The following PRKCE variants were observed in gnomAD, a reference collection of about 807,000 sequenced individuals.
PRKCE encodes the protein protein kinase C epsilon type.
PRKCE carries 16 observed loss-of-function variants against 85.4 expected under a neutral mutation model. The ratio of observed to expected loss-of-function variants is 0.19; its 90% CI spans 0.13 to 0.28. The LOEUF is 0.28. Among genes scored for constraint, PRKCE ranks in the 10% least tolerant of loss-of-function variants. The pLI is 1.00. For missense variants in PRKCE, 573 were observed against 975.2 expected (o/e 0.59, Z 5.49); for synonymous variants, 388 against 371.5 (o/e 1.04, Z -0.51).
chr2:45,992,194 G>A (rs1013817719), intron 6 of PRKCE, among the ~76,000 whole-genome samples: 1 of 152,096 alleles, frequency 6.6e-6, no homozygotes, highest in African/African-American at 2.4e-5. Flanking sequence ...GAGTGCTTTG[G>A]TTGACTCAGA....
At chr2:46,000,086 C>T (rs1255133901) in intron 6 of PRKCE, among the ~76,000 whole-genome samples, 1 of 151,916 alleles carries the variant, frequency 6.6e-6, no homozygotes, top group Non-Finnish European at 1.5e-5. Context: ...AGCATCCCTG[C>T]TATATCTGAG....
chr2:45,678,533 G>A lies in PRKCE; in HGVS notation c.348+26085G>A, dbSNP rs542613921. On this transcript the variant is annotated intron_variant, in intron 1 of 14. Coordinates refer to ENST00000306156, the MANE Select transcript of PRKCE (RefSeq NM_005400.3). ...GTAAGGGCATAGAATGAACGTGCACGCCTGATTTAGTGTATTAAAACTAAT... is the reference window on the plus strand; with the variant it reads ...GTAAGGGCATAGAATGAACGTGCACACCTGATTTAGTGTATTAAAACTAAT... Among the ~76,000 whole-genome samples, 6 of 152,094 alleles carry A rather than the reference G, an allele frequency of 3.9e-5. No homozygotes were observed. In the South Asian group the frequency reaches 8.3e-4, roughly 21 times the overall value.
At chr2:45,929,801 C>T (rs769556257) in intron 2 of PRKCE, among the ~76,000 whole-genome samples, 24 of 151,556 alleles carry the variant, frequency 1.6e-4, no homozygotes, top group Admixed American at 1.6e-3. Flanking sequence ...TCTTCCTGTA[C>T]CTATGATATG....
chr2:45,828,020 T>C (rs949259801), intron 1 of PRKCE, among the ~76,000 whole-genome samples: 6 of 152,210 alleles, frequency 3.9e-5, no homozygotes, highest in Admixed American at 3.9e-4. Flanking sequence ...CATACAAAGA[T>C]AGTGACTCTG....
chr2:46,080,500 A>G (rs1018342236), intron 10 of PRKCE, among the ~76,000 whole-genome samples: 2 of 152,226 alleles, frequency 1.3e-5, no homozygotes, highest in Non-Finnish European at 2.9e-5. Flanking sequence ...TTGAGTTTCT[A>G]GCAATCTGAA....
At chr2:46,150,799 ATT>A (rs1424555852) in intron 12 of PRKCE, among the ~76,000 whole-genome samples, 1 of 152,194 alleles carries the variant, frequency 6.6e-6, no homozygotes, top group East Asian at 1.9e-4. Context: ...AGAAATAGGA[ATT>A]TGTTCCCACT....
chr2:45,895,450 A>G lies in PRKCE; in HGVS notation c.412+52387A>G, dbSNP rs1304951935. Among the ~76,000 whole-genome samples the G allele has an allele frequency of 6.6e-6, 1 of 152,178 alleles. No homozygotes were observed. The highest frequency in any genetic ancestry group is 1.5e-5 in the Non-Finnish European group (1 of 68,028). ...CTGATGTCATCTGGCTGGTCCCTGG[A>G]TGGTGGGGATACATGGTACAGCCAC... On this transcript the variant is annotated intron_variant, in intron 2 of 14. Transcript: ENST00000306156. The surrounding 1 kb of genome is among the most constrained non-coding windows in gnomAD (Gnocchi z 4.8).
intron 1 of PRKCE, among the ~76,000 whole-genome samples, chr2:45,806,147 A>C (rs1397691013): frequency 6.6e-6 from 1 of 152,170 alleles, no homozygotes; most frequent in Non-Finnish European, 1.5e-5. Context: ...CTTCAAGGGG[A>C]AAGTTCTTAA....
At chr2:45,728,957 T>C (rs551781798) in intron 1 of PRKCE, among the ~76,000 whole-genome samples, 1 of 152,320 alleles carries the variant, frequency 6.6e-6, no homozygotes, top group South Asian at 2.1e-4. Flanking sequence ...TGGTAGGCTG[T>C]GCTGCACTGT....
chr2:46,160,340 G>A (rs867963979), intron 14 of PRKCE, among the ~76,000 whole-genome samples: 1 of 152,200 alleles, frequency 6.6e-6, no homozygotes. Flanking sequence ...TGTGATGCCA[G>A]TTGGAGGGGG....
chr2:45,951,423 A>C (rs749384443), intron 2 of PRKCE, among the ~76,000 whole-genome samples: 4 of 152,010 alleles, frequency 2.6e-5, no homozygotes, highest in Non-Finnish European at 5.9e-5. Flanking sequence ...ATTCCTCCCT[A>C]ACTCTGACTT....
chr2:45,798,526 G>A (rs1454496401), intron 1 of PRKCE, among the ~76,000 whole-genome samples: 2 of 152,206 alleles, frequency 1.3e-5, no homozygotes, highest in Non-Finnish European at 2.9e-5. Flanking sequence ...AGACTGTTAA[G>A]ATGTGTTCCA....
At chr2:45,904,750 G>A (rs936136665) in intron 2 of PRKCE, among the ~76,000 whole-genome samples, 5 of 152,128 alleles carry the variant, frequency 3.3e-5, no homozygotes, top group African/African-American at 7.2e-5. Context: ...TCCCAGATGC[G>A]CTCCTCTTTC....
intron 1 of PRKCE, among the ~76,000 whole-genome samples, chr2:45,693,735 G>A (rs1012255739): frequency 6.6e-6 from 1 of 152,172 alleles, no homozygotes; most frequent in African/African-American, 2.4e-5. Flanking sequence ...GGCAGTCGGG[G>A]TGGACCGTCA....
chr2:45,944,649 C>T lies in PRKCE; in HGVS notation c.413-31780C>T, dbSNP rs1244943497. Among the ~76,000 whole-genome samples, 5 of 118,778 alleles carry T rather than the reference C, an allele frequency of 4.2e-5. No homozygotes were observed. The South Asian group carries it at 1.5e-3, about 35-fold the overall frequency. The allele number at this position is 118,778 out of a possible 152,430, so 77.9% of individuals were successfully genotyped here. On this transcript the variant is annotated intron_variant, in intron 2 of 14. Transcript: ENST00000306156. ...GACTACAGGTGCGTGCCACCATACC[C>T]GGCTAATTTTTTTTTTTTTTTTTTT...
At chr2:45,860,636 G>T (rs1693081077) in intron 2 of PRKCE, among the ~76,000 whole-genome samples, 1 of 152,156 alleles carries the variant, frequency 6.6e-6, no homozygotes, top group Non-Finnish European at 1.5e-5. Context: ...CTGGGGAGGG[G>T]GTGTAGTGGC....
intron 2 of PRKCE, among the ~76,000 whole-genome samples, chr2:45,967,768 G>A (rs1014596940): frequency 6.6e-6 from 1 of 152,122 alleles, no homozygotes; most frequent in Non-Finnish European, 1.5e-5. Flanking sequence ...GGTTTGGGTT[G>A]AGCCATGGAA....
At chr2:45,810,020 A>G (rs1688541134) in intron 1 of PRKCE, among the ~76,000 whole-genome samples, 1 of 150,720 alleles carries the variant, frequency 6.6e-6, no homozygotes, top group Admixed American at 6.7e-5. Context: ...TCCAGGCAGC[A>G]GGATAGAGAG....
intron 1 of PRKCE, among the ~76,000 whole-genome samples, chr2:45,777,574 G>A (rs538333274): frequency 1.8e-4 from 27 of 152,238 alleles, no homozygotes; most frequent in South Asian, 8.3e-4. Context: ...CCAGACATAC[G>A]TCTAGCACCC....
Sources: allele counts gnomAD v4.1 joint callset (sites outside exome capture counted in the v4.1 genomes callset), GRCh38; gene constraint gnomAD v4.1.1; non-coding constraint Gnocchi (gnomAD v3.1); transcripts MANE v1.5; gene names NCBI Gene and HGNC (gene_info 2026-07-23, HGNC 2026-07-21).